MUC5B: variants seen among roughly 807,000 people sequenced by gnomAD.
MUC5B encodes mucin-5B.
In MUC5B, 116 loss-of-function variants were observed where a neutral mutation model predicts 376.9. The ratio of observed to expected loss-of-function variants is 0.31; its 90% CI spans 0.26 to 0.36. MUC5B has a LOEUF of 0.36. Ranked by LOEUF, MUC5B falls within the 10% of genes least tolerant of loss-of-function variation. MUC5B has a pLI of 1.00. For missense variants in MUC5B, 7,165 were observed against 7,769.9 expected, an observed-to-expected ratio of 0.92 and a Z score of 2.93; for synonymous variants, 3,517 against 3,390.9, an observed-to-expected ratio of 1.04 and a Z score of -1.29.
At position 1,252,963 on chromosome 11, in the gene MUC5B, T is replaced by C; in HGVS notation, c.15200T>C (p.Phe5067Ser). The C allele has an allele frequency of 6.2e-7, 1 of 1,612,640 alleles. No homozygotes were observed. Among genetic ancestry groups the C allele is most frequent in the Non-Finnish European group, 8.5e-7 (1 of 1,179,844 alleles). The change falls in exon 33 of 49, where the codon TTC (phenylalanine) becomes TCC (serine). Residue 5067 changes from phenylalanine to serine, a missense_variant. Phe to Ser is a radical substitution (Grantham distance 155). This residue lies in a region of MUC5B where 842 missense variants were observed against 1,016.9 expected (regional missense o/e 0.83). Transcript: ENST00000529681. ...TCGGACCCGAGCCAGCCCTGTGACT[T>C]CCACTATGAGTGCGAGTGTGAGTGC... is the stretch of plus-strand genomic sequence containing the variant. The part of the protein sequence containing the change: ...KVSDPSQPCD[F>S]HYECECICSM...
At chr11:1,227,935 TAC>T (rs1394087770) in intron 7 of MUC5B, among the ~76,000 whole-genome samples, 154 bp downstream of exon 7, 1 of 152,150 alleles carries the variant, frequency 6.6e-6, no homozygotes, top group Non-Finnish European at 1.5e-5. Flanking sequence ...AGTTCCACGG[TAC>T]ACACTGTCCG....
chr11:1,248,655 T>C lies in MUC5B; in HGVS notation c.11775T>C (p.Thr3925=). Residue 3925 remains threonine (T), a synonymous_variant, in exon 31 of 49, where the codon ACT becomes ACC. Coordinates refer to ENST00000529681, the MANE Select transcript of MUC5B (RefSeq NM_002458.3). Reference sequence around the variant, plus strand: ...CAGTGCTGACCACCACCACCACAACTGTGGCCACTGGTTCTATGGCAACAC... The same window carrying C: ...CAGTGCTGACCACCACCACCACAACCGTGGCCACTGGTTCTATGGCAACAC... The part of the protein sequence containing the change: ...TPTVLTTTTT[T]VATGSMATPS... 6.3e-7 allele frequency: 1 copy of C among 1,598,194 alleles called. No homozygotes were observed. The highest frequency in any genetic ancestry group is 8.5e-7 in the Non-Finnish European group (1 of 1,175,152).
Position 1,233,284 on chromosome 11 carries a change from GA to G in MUC5B, c.2321+19del, listed in dbSNP as rs34507683. Reference sequence around the variant, plus strand: ...GCGCCGTGTGGTAAGGGTCTGGGGGGAAAGCAGGCCCCCCAGGTGCTCCTCA... The same window carrying G: ...GCGCCGTGTGGTAAGGGTCTGGGGGGAAGCAGGCCCCCCAGGTGCTCCTCA... On this transcript the variant is annotated intron_variant, in intron 18 of 48. Transcript: ENST00000529681. The G allele has an allele frequency of 2.6e-6, 4 of 1,523,070 alleles. No individual in the cohort carries two copies. In the South Asian group the frequency reaches 4.9e-5, roughly 19 times the overall value. 94.3% of individuals were successfully genotyped at this position (1,523,070 alleles called of 1,614,324 possible).
rs2133841443 is a variant in MUC5B, at chr11:1,249,987, GGCC to G, written c.13108_13110del (p.Ala4370del). On this transcript the variant is annotated inframe_deletion, in exon 31 of 49. Coordinates refer to ENST00000529681, the MANE Select transcript of MUC5B (RefSeq NM_002458.3). ...ACACCTCCACAGTGCTGACCACGAAGGCCACCACGACAAGGGCCACCAGTTCCA... is the reference window on the plus strand; with the variant it reads ...ACACCTCCACAGTGCTGACCACGAAGACCACGACAAGGGCCACCAGTTCCA... 1.9e-6 allele frequency: 3 copies of G among 1,607,810 alleles called. No homozygotes were observed. The highest frequency in any genetic ancestry group is 1.7e-6 in the Non-Finnish European group (2 of 1,177,350).
rs1333742995 is a variant in MUC5B, at chr11:1,243,011, G to A, written c.6131G>A (p.Gly2044Glu). The A allele has an allele frequency of 1.9e-6, 3 of 1,611,338 alleles. No individual in the cohort carries two copies. Among genetic ancestry groups the A allele is most frequent in the Non-Finnish European group, 8.5e-7 (1 of 1,179,166 alleles). The change falls in exon 31 of 49, where the codon GGA becomes GAA. Residue 2044 changes from glycine (G) to glutamate (E), a missense_variant. Gly to Glu is a moderately conservative substitution (Grantham distance 98). Transcript: ENST00000529681. ...GTGGCCACCCCCTCCTCCACCCCAG[G>A]AACAGCTCACACTACCAAAGTGCCA... ...GSVATPSSTP[G>E]TAHTTKVPTT...
At position 1,250,352 on chromosome 11, in the gene MUC5B, C is replaced by T. The variant is rs200110193; in HGVS notation, c.13472C>T (p.Thr4491Ile). The T allele has an allele frequency of 1.5e-3, 2,412 of 1,613,374 alleles. 36 individuals are homozygous for T. In the African/African-American group the frequency reaches 0.028, roughly 18 times the overall value. Reference protein sequence around the residue: ...VSTTATTPTVTSSKATPSSSP... With the variant: ...VSTTATTPTVISSKATPSSSP... ...ACCACGGCCACGACACCCACAGTCACCAGCTCCAAAGCCACTCCCTCCTCC... is the reference window on the plus strand; with the variant it reads ...ACCACGGCCACGACACCCACAGTCATCAGCTCCAAAGCCACTCCCTCCTCC... Residue 4491 changes from threonine (T) to isoleucine (I), a missense_variant, in exon 31 of 49, where the codon ACC becomes ATC. Thr to Ile is a moderately conservative substitution (Grantham distance 89). Coordinates refer to ENST00000529681, the MANE Select transcript of MUC5B (RefSeq NM_002458.3).
rs374519512 is a variant in MUC5B, at chr11:1,252,490, C to A, written c.15011C>A (p.Ala5004Asp). 285 of 1,575,482 alleles carry A rather than the reference C, an allele frequency of 1.8e-4. No individual in the cohort carries two copies. The highest frequency in any genetic ancestry group is 2.4e-4 in the Non-Finnish European group (279 of 1,162,288). ...SSAPLSSPSPAPGCDNAIPLR... is the reference protein window; with the variant it reads ...SSAPLSSPSPDPGCDNAIPLR... ...GCCCCGCTGTCCTCGCCCTCCCCTG[C>A]CCCTGGCTGTGACAATGCCATCCCT... The change falls in exon 32 of 49, where the codon GCC (alanine) becomes GAC (aspartate). Residue 5004 changes from alanine to aspartate, a missense_variant. Around this residue, in one of 31 missense-constraint regions of MUC5B, gnomAD observed 730 missense variants for 592.7 expected, o/e 1.23. Coordinates refer to ENST00000529681, the MANE Select transcript of MUC5B (RefSeq NM_002458.3).
chr11:1,229,808 G>A lies in MUC5B; in HGVS notation c.1220+1G>A. 1 of 1,594,046 alleles carries A rather than the reference G, an allele frequency of 6.3e-7. No homozygotes were observed. The highest frequency in any genetic ancestry group is 8.5e-7 in the Non-Finnish European group (1 of 1,171,820). The stretch of plus-strand genomic sequence containing the variant: ...CCTTCAACACCACCTGCAGCTCCTG[G>A]TACTTATGAGCCCACCAGCCTCCGC... On this transcript the variant is annotated splice_donor_variant, in intron 10 of 48. Transcript: ENST00000529681. LOFTEE classifies it high-confidence loss of function.
Position 1,234,828 on chromosome 11 carries a change from G to C in MUC5B, c.2630+148G>C. 4.4e-6 allele frequency: 5 copies of C among 1,142,478 alleles called. No individual in the cohort carries two copies. Among genetic ancestry groups the C allele is most frequent in the Non-Finnish European group, 6.0e-6 (5 of 830,028 alleles). 70.8% of individuals were successfully genotyped at this position (1,142,478 alleles called of 1,614,324 possible). The stretch of plus-strand genomic sequence containing the variant: ...TGAGGTGGGGCCGTGGCAGGAGAGA[G>C]AGTTGCTAGGAAAGCCATGGGCCGT... On this transcript the variant is annotated intron_variant, in intron 21 of 48. Transcript: ENST00000529681. This position sits in a 1 kb window ranked among gnomAD's most constrained non-coding sequence, Gnocchi z 6.3.
Position 1,251,242 on chromosome 11 carries a change from C to T in MUC5B, c.14362C>T (p.His4788Tyr), listed in dbSNP as rs1862680821. Residue 4788 changes from histidine (H) to tyrosine (Y), a missense_variant, in exon 31 of 49, where the codon CAC (histidine) becomes TAC (tyrosine). Around this residue, in one of 31 missense-constraint regions of MUC5B, gnomAD observed 730 missense variants for 592.7 expected, o/e 1.23. Coordinates refer to ENST00000529681, the MANE Select transcript of MUC5B (RefSeq NM_002458.3). Reference sequence around the variant, plus strand: ...CACCTCCTCTACTCCAGAGACCACCCACACCTCCACAGTGCTGACCACCAC... The same window carrying T: ...CACCTCCTCTACTCCAGAGACCACCTACACCTCCACAGTGCTGACCACCAC... ...IHTSSTPETT[H>Y]TSTVLTTTAT... The T allele has an allele frequency of 1.2e-6, 2 of 1,611,250 alleles. No individual in the cohort carries two copies. The highest frequency in any genetic ancestry group is 1.3e-5 in the African/African-American group (1 of 74,748).
In MUC5B at chr11:1,255,552, C is replaced by T; in HGVS notation, c.16060C>T (p.Leu5354=). ...CSDWRGATGG[L]CDLTCPPTKV... ...TGACTGGCGAGGTGCAACCGGTGGC[C>T]TGTGCGGTGAGTGGGGGCGGCCCCG... Residue 5354 remains leucine (L), a synonymous_variant, in exon 37 of 49, where the codon CTG becomes TTG. Coordinates refer to ENST00000529681, the MANE Select transcript of MUC5B (RefSeq NM_002458.3). 1 of 1,529,356 alleles carries T rather than the reference C, an allele frequency of 6.5e-7. No homozygotes were observed. The highest frequency in any genetic ancestry group is 8.8e-7 in the Non-Finnish European group (1 of 1,132,928). The allele number at this position is 1,529,356 out of a possible 1,614,324, so 94.7% of individuals were successfully genotyped here.
chr11:1,252,227 T>C (rs2133846133), intron 31 of MUC5B, 116 bp from the exon 32 acceptor site: 6 of 1,047,344 alleles, frequency 5.7e-6, no homozygotes, highest in Non-Finnish European at 8.3e-6. Flanking sequence ...CCCTCTCCAC[T>C]CCCTTCCCTG....
At chr11:1,235,567 GA>G in intron 23 of MUC5B, 154 bp downstream of exon 23, 1 of 674,278 alleles carries the variant, frequency 1.5e-6, no homozygotes, top group East Asian at 2.7e-5. Flanking sequence ...AGGGGGCTTA[GA>G]CAACAGAAAT....
In MUC5B at chr11:1,246,231, G is replaced by A. The variant is rs546145330; in HGVS notation, c.9351G>A (p.Arg3117=). Reference sequence around the variant, plus strand: ...TGACCACGAAGGCCACCACGACAAGGGCCACCAGTTCCATGTCCACCCCCT... The same window carrying A: ...TGACCACGAAGGCCACCACGACAAGAGCCACCAGTTCCATGTCCACCCCCT... ...TVLTTKATTT[R]ATSSMSTPSS... Residue 3117 remains arginine, a synonymous_variant, in exon 31 of 49, where the codon AGG becomes AGA. Coordinates refer to ENST00000529681, the MANE Select transcript of MUC5B (RefSeq NM_002458.3). 3.7e-5 allele frequency: 59 copies of A among 1,610,004 alleles called. No homozygotes were observed. In the South Asian group the frequency reaches 5.8e-4, roughly 16 times the overall value.
In MUC5B at chr11:1,229,093, G is replaced by A. The variant is rs530863765; in HGVS notation, c.977-77G>A. 1.9e-3 allele frequency: 2,775 copies of A among 1,431,070 alleles called. 17 individuals are homozygous for A. Among genetic ancestry groups the A allele is most frequent in the Middle Eastern group, 0.014 (61 of 4,262 alleles). 88.6% of individuals were successfully genotyped at this position (1,431,070 alleles called of 1,614,324 possible). A position where few individuals can be genotyped will look rare whatever the true frequency, so the allele number is the denominator to read the frequency against. The stretch of plus-strand genomic sequence containing the variant: ...TGGACTTGATGGCATGTGGAAGGCC[G>A]TGGAAGGCGGCTGGGGCTGACCACA... On this transcript the variant is annotated intron_variant, in intron 8 of 48. Transcript: ENST00000529681.
At position 1,242,086 on chromosome 11, in the gene MUC5B, G is replaced by T. The variant is rs185516481; in HGVS notation, c.5206G>T (p.Ala1736Ser). Residue 1736 changes from alanine to serine, a missense_variant, in exon 31 of 49, where the codon GCT becomes TCT. Transcript: ENST00000529681. ...TCGCCCGACAGGCACAGCCAGCACC[G>T]CTTCCAAAGAGCCGCTGACCACGAG... ...RARPTGTAST[A>S]SKEPLTTSLA... The T allele has an allele frequency of 1.2e-6, 2 of 1,611,046 alleles. No individual in the cohort carries two copies. The highest frequency in any genetic ancestry group is 1.7e-6 in the Non-Finnish European group (2 of 1,178,932).
chr11:1,241,186 C>T lies in MUC5B; in HGVS notation c.4306C>T (p.Pro1436Ser), dbSNP rs1160779278. 1 of 1,595,968 alleles carries T rather than the reference C, an allele frequency of 6.3e-7. No individual in the cohort carries two copies. Among genetic ancestry groups the T allele is most frequent in the Non-Finnish European group, 8.5e-7 (1 of 1,171,734 alleles). The part of the protein sequence containing the change: ...CCEYVPCGPS[P>S]APGTSPQPSL... Reference sequence around the variant, plus strand: ...CGAATACGTGCCCTGTGGCCCCTCCCCGGCCCCAGGCACCAGCCCTCAGCC... The same window carrying T: ...CGAATACGTGCCCTGTGGCCCCTCCTCGGCCCCAGGCACCAGCCCTCAGCC... The change falls in exon 31 of 49, where the codon CCG becomes TCG. Residue 1436 changes from proline to serine, a missense_variant. Coordinates refer to ENST00000529681, the MANE Select transcript of MUC5B (RefSeq NM_002458.3).
chr11:1,234,435 C>A lies in MUC5B; in HGVS notation c.2479-94C>A, dbSNP rs1025628787. 7.9e-6 allele frequency: 12 copies of A among 1,514,672 alleles called. No individual in the cohort carries two copies. Among genetic ancestry groups the A allele is most frequent in the Non-Finnish European group, 1.1e-5 (12 of 1,122,188 alleles). The allele number at this position is 1,514,672 out of a possible 1,614,324, so 93.8% of individuals were successfully genotyped here. A position where few individuals can be genotyped will look rare whatever the true frequency, so the allele number is the denominator to read the frequency against. ...AGCTCCGCCCTGGCCCATGCGTTGC[C>A]CTGGGTGCTGCTGGGTGCGCCTGTC... On this transcript the variant is annotated intron_variant, in intron 20 of 48. Transcript: ENST00000529681. This position sits in a 1 kb window ranked among gnomAD's most constrained non-coding sequence, Gnocchi z 6.3.
intron 38 of MUC5B, 44 bp downstream of exon 38, chr11:1,256,269 G>A (rs2133851228): frequency 1.4e-6 from 1 of 715,118 alleles, no homozygotes; most frequent in East Asian, 2.7e-5. Context: ...ACCCAGGCCT[G>A]CCTGACCGGT....
Sources: allele counts gnomAD v4.1 joint callset (sites outside exome capture counted in the v4.1 genomes callset), GRCh38; gene constraint gnomAD v4.1.1; regional missense constraint gnomAD v4.1.1; non-coding constraint Gnocchi (gnomAD v3.1); transcripts MANE v1.5; gene names NCBI Gene and HGNC (gene_info 2026-07-23, HGNC 2026-07-21).